Variants in ANXA8 observed in about 807,000 individuals in gnomAD.
ANXA8 encodes the protein annexin A8.
A neutral mutation model predicts 26.8 loss-of-function variants in ANXA8; 9 were observed. The observed-to-expected ratio is 0.34, with a 90% CI of 0.20 to 0.59. ANXA8 has a LOEUF of 0.59. Ranked by LOEUF, ANXA8 falls within the 20% of genes least tolerant of loss-of-function variation. The pLI, the probability that ANXA8 is intolerant of heterozygous loss-of-function variation, is 0.84. For synonymous variants in ANXA8, 39 were observed against 94.8 expected (o/e 0.41, Z 3.42); for missense variants, 83 against 238.5 (o/e 0.35, Z 4.29).
the ANXA8 span, among the ~76,000 whole-genome samples, chr10:47,982,801 CATATATATATATATATATATAT>C: frequency 2.3e-4 from 3 of 12,946 alleles, no homozygotes; most frequent in East Asian, 2.3e-3. Context: ...ATTTGCAAAT[CATATATATATATATATATATAT>C]ATATATATAT....
chr10:47,958,462 G>C, the ANXA8 span, among the ~76,000 whole-genome samples: 6 of 145,742 alleles, frequency 4.1e-5, no homozygotes, highest in African/African-American at 1.3e-4. Flanking sequence ...CTGGAAGATA[G>C]AGTGAGGTTC....
chr10:47,944,391 G>A, the ANXA8 span, among the ~76,000 whole-genome samples: 1 of 149,468 alleles, frequency 6.7e-6, no homozygotes, highest in South Asian at 2.1e-4. Flanking sequence ...CTGCTCCCAA[G>A]TGAATGTCCA....
At chr10:47,693,238 A>G in the ANXA8 span, among the ~76,000 whole-genome samples, 932 of 151,808 alleles carry the variant, frequency 6.1e-3, 15 homozygotes, top group Non-Finnish European at 8.9e-3. Flanking sequence ...TACAGGAGGA[A>G]TGAGAACCTT....
At chr10:47,486,768 G>A (rs1840057021), upstream of ANXA8, among the ~76,000 whole-genome samples, 3 of 135,862 alleles carry the variant, frequency 2.2e-5, no homozygotes, top group Non-Finnish European at 4.7e-5. Context: ...TGGCTAACAT[G>A]GTGAAACCCC....
At chr10:47,697,078 A>G in the ANXA8 span, among the ~76,000 whole-genome samples, 1 of 151,854 alleles carries the variant, frequency 6.6e-6, no homozygotes, top group African/African-American at 2.4e-5. Flanking sequence ...ACTAGCAGCT[A>G]TCTCCTCCAC....
the ANXA8 span, among the ~76,000 whole-genome samples, chr10:47,658,847 A>ATTATTTATTTATTTAT: frequency 7.5e-6 from 1 of 133,672 alleles, no homozygotes; most frequent in Non-Finnish European, 1.5e-5. Context: ...TTATTTATTT[A>ATTATTTATTTATTTAT]TTATTTATTT....
the ANXA8 span, among the ~76,000 whole-genome samples, chr10:47,951,313 G>A: frequency 6.6e-6 from 1 of 150,828 alleles, no homozygotes; most frequent in Non-Finnish European, 1.5e-5. Context: ...CTTCACACAA[G>A]GAAAATTCCG....
At chr10:47,511,129 G>C in the ANXA8 span, among the ~76,000 whole-genome samples, 8 of 131,322 alleles carry the variant, frequency 6.1e-5, no homozygotes, top group Non-Finnish European at 1.1e-4. Context: ...ATTTTTAGTA[G>C]AGACGGGGTT....
At chr10:47,533,225 C>CATACACACA in the ANXA8 span, among the ~76,000 whole-genome samples, 357 of 98,018 alleles carry the variant, frequency 3.6e-3, 1 homozygote, top group African/African-American at 4.0e-3. Context: ...ACACACACAC[C>CATACACACA]CCCGCAGACA....
At chr10:47,622,477 ACTGAC>A in the ANXA8 span, among the ~76,000 whole-genome samples, 10 of 93,652 alleles carry the variant, frequency 1.1e-4, no homozygotes, top group Non-Finnish European at 2.0e-4. Context: ...TACCTGACAG[ACTGAC>A]CTGACCTAAC....
the ANXA8 span, among the ~76,000 whole-genome samples, chr10:47,568,247 G>C: frequency 1.8e-5 from 1 of 55,080 alleles, no homozygotes; most frequent in Non-Finnish European, 3.6e-5. Flanking sequence ...GGCTGGTCTT[G>C]AACTACTGAC....
chr10:47,918,372 AGAGAGAGAGAGAG>A, the ANXA8 span, among the ~76,000 whole-genome samples: 3 of 20,160 alleles, frequency 1.5e-4, no homozygotes, highest in Admixed American at 6.8e-4. Context: ...AGAGAGAGAG[AGAGAGAGAGAGAG>A]AAAGAAAGAA....
At chr10:47,572,656 G>A in the ANXA8 span, among the ~76,000 whole-genome samples, 1 of 145,034 alleles carries the variant, frequency 6.9e-6, no homozygotes, top group African/African-American at 2.6e-5. Context: ...GGCAGAGGTT[G>A]CAGTGAGCTG....
the ANXA8 span, among the ~76,000 whole-genome samples, chr10:47,497,791 A>T: frequency 2.7e-5 from 4 of 150,668 alleles, no homozygotes; most frequent in East Asian, 8.2e-4. Flanking sequence ...TACAAAAATT[A>T]GTTGGGCATG....
chr10:47,682,469 C>CTTT, the ANXA8 span, among the ~76,000 whole-genome samples: 29 of 121,614 alleles, frequency 2.4e-4, no homozygotes, highest in South Asian at 2.0e-3. Flanking sequence ...CTTTCTTTTT[C>CTTT]TTTTTTTTTT....
At chr10:47,513,527 G>GA in the ANXA8 span, among the ~76,000 whole-genome samples, 23 of 141,922 alleles carry the variant, frequency 1.6e-4, 3 homozygotes, top group South Asian at 6.7e-4. Context: ...CACAGAACTA[G>GA]AAAAAACAGT....
chr10:47,735,729 C>T, the ANXA8 span, among the ~76,000 whole-genome samples: 2 of 151,612 alleles, frequency 1.3e-5, no homozygotes, highest in Non-Finnish European at 2.9e-5. Flanking sequence ...GCCTCAGCCT[C>T]CCTGGGCTCA....
At chr10:47,486,997 A>G (rs1840061234), upstream of ANXA8, among the ~76,000 whole-genome samples, 1 of 149,964 alleles carries the variant, frequency 6.7e-6, no homozygotes, top group Non-Finnish European at 1.5e-5. Flanking sequence ...AACAAAAACA[A>G]AAAAACAAAG....
the ANXA8 span, chr10:47,520,593 A>T: frequency 1.3e-6 from 2 of 1,500,254 alleles, no homozygotes; most frequent in Non-Finnish European, 1.8e-6. Flanking sequence ...AAGAAAAGAA[A>T]AAGAGATGCA....
Sources: allele counts gnomAD v4.1 joint callset (sites outside exome capture counted in the v4.1 genomes callset), GRCh38; gene constraint gnomAD v4.1.1; transcripts MANE v1.5; gene names NCBI Gene and HGNC (gene_info 2026-07-23, HGNC 2026-07-21).